The following PLCL1 variants were observed in gnomAD, a reference collection of about 807,000 sequenced individuals.
PLCL1 encodes the protein phospholipase C like 1 (inactive).
A neutral mutation model predicts 84.4 loss-of-function variants in PLCL1; 41 were observed. The ratio of observed to expected loss-of-function variants is 0.49; its 90% confidence interval spans 0.38 to 0.63. The LOEUF is 0.63. Ranked by LOEUF, PLCL1 falls within the 30% of genes least tolerant of loss-of-function variation. The probability of loss-of-function intolerance (pLI) is 0.00; values close to 1 mark genes in which losing one functional copy is unlikely to be tolerated. For missense variants in PLCL1, 1,206 were observed against 1,367.8 expected (o/e 0.88, Z 1.87); for synonymous variants, 490 against 488.3 (o/e 1.00, Z -0.05).
intron 1 of PLCL1, among the ~76,000 whole-genome samples, chr2:197,913,144 G>T (rs796802559): frequency 1.2e-4 from 19 of 152,210 alleles, no homozygotes; most frequent in African/African-American, 4.6e-4. Context: ...CCTGTCACAC[G>T]ACTTCATGGG....
intron 1 of PLCL1, among the ~76,000 whole-genome samples, chr2:198,045,142 A>G (rs1691756225): frequency 6.6e-6 from 1 of 152,200 alleles, no homozygotes; most frequent in Admixed American, 6.5e-5. Flanking sequence ...AGAACATTTT[A>G]GTTTTATACC....
intron 1 of PLCL1, among the ~76,000 whole-genome samples, chr2:197,973,979 A>G (rs1171856040): frequency 6.6e-6 from 1 of 152,218 alleles, no homozygotes; most frequent in Non-Finnish European, 1.5e-5. Context: ...TGACTCAGAC[A>G]AGGTTAGTGG....
intron 1 of PLCL1, among the ~76,000 whole-genome samples, chr2:198,069,161 G>GTTT (rs536388625): frequency 2.8e-5 from 4 of 144,220 alleles, no homozygotes; most frequent in Non-Finnish European, 1.5e-5. Context: ...CCACCTGGCA[G>GTTT]TTTTTTTTTT....
At chr2:197,831,090 T>A (rs974310774) in intron 1 of PLCL1, among the ~76,000 whole-genome samples, 1 of 152,104 alleles carries the variant, frequency 6.6e-6, no homozygotes, top group South Asian at 2.1e-4. Flanking sequence ...CCATTGACAC[T>A]ATAAGGAAAC....
chr2:198,072,411 T>C (rs1170935928), intron 1 of PLCL1, among the ~76,000 whole-genome samples: 1 of 151,958 alleles, frequency 6.6e-6, no homozygotes, highest in Non-Finnish European at 1.5e-5. Context: ...TAGTTATATT[T>C]TCTGCAAGTA....
At chr2:197,869,910 A>C (rs916969052) in intron 1 of PLCL1, among the ~76,000 whole-genome samples, 9 of 152,166 alleles carry the variant, frequency 5.9e-5, no homozygotes, top group Non-Finnish European at 1.3e-4. Flanking sequence ...ATTATCTTCT[A>C]GCTTCTTATC....
chr2:198,042,517 C>T (rs1691688759), intron 1 of PLCL1, among the ~76,000 whole-genome samples: 2 of 152,090 alleles, frequency 1.3e-5, no homozygotes, highest in African/African-American at 2.4e-5. Flanking sequence ...GGAAGGAAGG[C>T]AGACATCTCA....
In PLCL1 at chr2:198,041,862, G is replaced by A. The variant is rs372015670; in HGVS notation, c.241-41896G>A. Among the ~76,000 whole-genome samples, 54 of 152,314 alleles carry A rather than the reference G, an allele frequency of 3.5e-4. 1 individual carries two copies. The highest frequency in any genetic ancestry group is 1.2e-3 in the African/African-American group (51 of 41,578). On this transcript the variant is annotated intron_variant, in intron 1 of 5. Transcript: ENST00000428675. ...TTGATGATGGAGTTGAGCATGGCAT[G>A]TGTTTTGGACAATAAGAGGAGACCA...
chr2:198,044,818 ATAT>A (rs1691748965), intron 1 of PLCL1, among the ~76,000 whole-genome samples: 1 of 152,184 alleles, frequency 6.6e-6, no homozygotes, highest in Non-Finnish European at 1.5e-5. Flanking sequence ...AAACTGAATC[ATAT>A]TAAACAACCT....
In PLCL1 at chr2:198,084,341, T is replaced by A; in HGVS notation, c.824T>A (p.Leu275Gln). Residue 275 changes from leucine (L) to glutamine (Q), a missense_variant, in exon 2 of 6, where the codon CTG becomes CAG. Leu to Gln is a moderately radical substitution (Grantham distance 113). Transcript: ENST00000428675. ...TTAATAAAACAACTCAACCCTACTC[T>A]GAAGGAAGCCAAGATCAGGTTAAAG... ...VELIKQLNPT[L>Q]KEAKIRLKFK... 1.2e-6 allele frequency: 2 copies of A among 1,614,042 alleles called. No individual in the cohort carries two copies. The highest frequency in any genetic ancestry group is 1.7e-6 in the Non-Finnish European group (2 of 1,179,950).
chr2:197,947,930 A>G (rs1689313637), intron 1 of PLCL1, among the ~76,000 whole-genome samples: 1 of 152,094 alleles, frequency 6.6e-6, no homozygotes, highest in South Asian at 2.1e-4. Context: ...TGTCATGAAA[A>G]CCATTGGGGA....
rs188876382 is a variant in PLCL1 at position 197,824,168 on chromosome 2, T to G, written c.240+18829T>G. The stretch of plus-strand genomic sequence containing the variant: ...TTTCCTTGCTTCAAGTTGATTGAAA[T>G]TTTAGAAAAGTCCTCATAATTCTCA... On this transcript the variant is annotated intron_variant, in intron 1 of 5. Coordinates refer to ENST00000428675, the MANE Select transcript of PLCL1 (RefSeq NM_006226.4). 1.1e-3 allele frequency among the ~76,000 whole-genome samples: 169 copies of G among 152,236 alleles called. 1 individual carries two copies. The highest frequency in any genetic ancestry group is 1.4e-3 in the Non-Finnish European group (95 of 67,994).
intron 1 of PLCL1, among the ~76,000 whole-genome samples, chr2:197,922,219 C>A (rs867263211): frequency 2.0e-5 from 2 of 99,086 alleles, no homozygotes; most frequent in Middle Eastern, 4.2e-3. Context: ...TGACTCTTAA[C>A]GAGCATGCTG....
chr2:197,929,061 G>A (rs1371886090), intron 1 of PLCL1, among the ~76,000 whole-genome samples: 1 of 152,112 alleles, frequency 6.6e-6, no homozygotes, highest in Non-Finnish European at 1.5e-5. Context: ...TTCTGTGATT[G>A]CTAATGTATA....
chr2:197,924,924 A>G (rs1418623552), intron 1 of PLCL1, among the ~76,000 whole-genome samples: 1 of 152,156 alleles, frequency 6.6e-6, no homozygotes, highest in Non-Finnish European at 1.5e-5. Context: ...AGGAATGCAA[A>G]TTTCTAGCTG....
rs372815053 is a variant in PLCL1, at chr2:198,041,090, T to A, written c.241-42668T>A. Among the ~76,000 whole-genome samples the A allele has an allele frequency of 5.3e-5, 8 of 152,318 alleles. No homozygotes were observed. In the South Asian group the frequency reaches 1.7e-3, roughly 32 times the overall value. On this transcript the variant is annotated intron_variant, in intron 1 of 5. Transcript: ENST00000428675. ...GGCTGCCAGCAGTGTTAGCCTGAGA[T>A]CTCTTAATCCTCATATAGATCAGCA...
intron 1 of PLCL1, among the ~76,000 whole-genome samples, chr2:198,055,802 T>C (rs945005711): frequency 1.3e-5 from 2 of 152,224 alleles, no homozygotes; most frequent in Admixed American, 1.3e-4. Context: ...AGTGCTGTCA[T>C]AAAATCACAT....
chr2:198,061,202 C>G (rs1038839463), intron 1 of PLCL1, among the ~76,000 whole-genome samples: 1 of 152,154 alleles, frequency 6.6e-6, no homozygotes. Flanking sequence ...CTGAAAGCCA[C>G]TGATCATGGT....
chr2:198,026,346 A>G (rs1452818165), intron 1 of PLCL1, among the ~76,000 whole-genome samples: 1 of 152,172 alleles, frequency 6.6e-6, no homozygotes, highest in Non-Finnish European at 1.5e-5. Flanking sequence ...TCTATTTTTC[A>G]TGGAGCATGT....
Sources: gnomAD v4.1 joint callset for allele counts (sites outside exome capture counted in the v4.1 genomes callset) on GRCh38, gnomAD v4.1.1 for gene constraint, MANE v1.5 for transcripts, NCBI Gene and HGNC (gene_info 2026-07-23, HGNC 2026-07-21) for gene names.